The following NEFL variants were observed in gnomAD, a reference collection of about 807,000 sequenced individuals.
NEFL encodes neurofilament light chain.
In NEFL, 36 loss-of-function variants were observed where a neutral mutation model predicts 51.6. The observed-to-expected ratio is 0.70, with a 90% CI of 0.53 to 0.92. The LOEUF is 0.92. NEFL is among the 40% of genes least tolerant of loss of function. NEFL has a pLI of 0.00. For synonymous variants in NEFL, 332 were observed against 302.5 expected, an observed-to-expected ratio of 1.10 and a Z score of -1.01; for missense variants, 671 against 722.0, an observed-to-expected ratio of 0.93 and a Z score of 0.81.
In NEFL at chr8:24,956,430, A is replaced by T; in HGVS notation, c.86T>A (p.Val29Glu). Residue 29 changes from valine (V) to glutamate (E), a missense_variant, in exon 1 of 4, where the codon GTG becomes GAG. Coordinates refer to ENST00000610854, the MANE Select transcript of NEFL (RefSeq NM_006158.5). The surrounding 1 kb of genome is among the most constrained non-coding windows in gnomAD (Gnocchi z 5.9). ...VETPRVHISSVRSGYSTARSA... is the reference protein window; with the variant it reads ...VETPRVHISSERSGYSTARSA... ...GCGTGCGGTGCTGTAGCCGCTGCGC[A>T]CGCTGGAGATGTGCACCCGGGGCGT... The T allele has an allele frequency of 6.2e-7, 1 of 1,603,444 alleles. No individual in the cohort carries two copies. Among genetic ancestry groups the T allele is most frequent in the Middle Eastern group, 1.7e-4 (1 of 6,026 alleles).
chr8:24,953,070 T>C (rs1802991741), intron 3 of NEFL, 118 bp from the exon 4 acceptor site: 1 of 1,213,530 alleles, frequency 8.2e-7, no homozygotes, highest in South Asian at 1.6e-5. Context: ...ACCTCCCAGC[T>C]CCACTCTCTC....
At position 24,956,593 on chromosome 8, in the gene NEFL, G is replaced by C. The variant is rs1803061584; in HGVS notation, c.-78C>G. ...GAGGACAGGGGAGAGAGGGAAGGGG[G>C]AGGATGGATGGCTGTGTGCGGCTCG... On this transcript the variant is annotated 5_prime_UTR_variant, in exon 1 of 4. Transcript: ENST00000610854. This position sits in a 1 kb window ranked among gnomAD's most constrained non-coding sequence, Gnocchi z 5.9. 2.2e-6 allele frequency: 3 copies of C among 1,361,408 alleles called. No homozygotes were observed. 84.3% of individuals were successfully genotyped at this position (1,361,408 alleles called of 1,614,324 possible). A position where few individuals can be genotyped will look rare whatever the true frequency, so the allele number is the denominator to read the frequency against.
rs1292563245 is a variant in NEFL, at chr8:24,952,920, C to T, written c.1522G>A (p.Glu508Lys). 2 of 1,611,564 alleles carry T rather than the reference C, an allele frequency of 1.2e-6. No individual in the cohort carries two copies. Among genetic ancestry groups the T allele is most frequent in the Admixed American group, 1.7e-5 (1 of 59,956 alleles). Residue 508 changes from glutamate to lysine, a missense_variant, in exon 4 of 4, where the codon GAA becomes AAA. Coordinates refer to ENST00000610854, the MANE Select transcript of NEFL (RefSeq NM_006158.5). ...AKEESEEAKE[E>K]EEGGEGEEGE... ...TCTTCACCTTCACCTCCTTCTTCTTCTTCTTTTGCTTCTTCAGACTCTTCC... is the reference window on the plus strand; with the variant it reads ...TCTTCACCTTCACCTCCTTCTTCTTTTTCTTTTGCTTCTTCAGACTCTTCC...
In NEFL at chr8:24,956,208, C is replaced by A; in HGVS notation, c.308G>T (p.Ser103Ile). 1 of 1,611,018 alleles carries A rather than the reference C, an allele frequency of 6.2e-7. No homozygotes were observed. The highest frequency in any genetic ancestry group is 8.5e-7 in the Non-Finnish European group (1 of 1,178,780). ...QLQDLNDRFA[S>I]FIERVHELEQ... ...CAGCTCGTGCACGCGCTCGATGAAG[C>A]TGGCGAAGCGGTCATTGAGGTCCTG... The change falls in exon 1 of 4, where the codon AGC becomes ATC. Residue 103 changes from serine (S) to isoleucine (I), a missense_variant. Ser to Ile is a moderately radical substitution (Grantham distance 142). Transcript: ENST00000610854. The surrounding 1 kb of genome is among the most constrained non-coding windows in gnomAD (Gnocchi z 5.9).
rs1216877975 is a variant in NEFL at position 24,956,516 on chromosome 8, G to A, written c.-1C>T. 6.3e-7 allele frequency: 1 copy of A among 1,584,052 alleles called. No homozygotes were observed. Among genetic ancestry groups the A allele is most frequent in the Admixed American group, 1.8e-5 (1 of 54,886 alleles). The stretch of plus-strand genomic sequence containing the variant: ...ACGGCTCGTAGCTGAAGGAACTCAT[G>A]GTGGCGGCCGGTGGCTCCCCGGCCC... On this transcript the variant is annotated 5_prime_UTR_variant, in exon 1 of 4. Transcript: ENST00000610854. This position sits in a 1 kb window ranked among gnomAD's most constrained non-coding sequence, Gnocchi z 5.9.
Position 24,955,807 on chromosome 8 carries a change from G to C in NEFL, c.709C>G (p.Gln237Glu), listed in dbSNP as rs764134343. 1.9e-6 allele frequency: 3 copies of C among 1,612,316 alleles called. No homozygotes were observed. The highest frequency in any genetic ancestry group is 2.2e-5 in the South Asian group (2 of 91,080). Residue 237 changes from glutamine (Q) to glutamate (E), a missense_variant, in exon 1 of 4, where the codon CAG becomes GAG. Physicochemically the swap from Gln to Glu is conservative, Grantham distance 29. Coordinates refer to ENST00000610854, the MANE Select transcript of NEFL (RefSeq NM_006158.5). This position sits in a 1 kb window ranked among gnomAD's most constrained non-coding sequence, Gnocchi z 4.0. ...ACGGAGATCTGCGCGTACTGGATCT[G>C]CGCCTGCAGTTCGGCGATCTCCTCT... ...HEEEIAELQA[Q>E]IQYAQISVEM...
chr8:24,955,455 T>A lies in NEFL; in HGVS notation c.1044+17A>T. 11 of 960,804 alleles carry A rather than the reference T, an allele frequency of 1.1e-5. No homozygotes were observed. Among genetic ancestry groups the A allele is most frequent in the Middle Eastern group, 2.5e-4 (1 of 4,040 alleles). 59.5% of individuals were successfully genotyped at this position (960,804 alleles called of 1,614,324 possible). On this transcript the variant is annotated intron_variant, in intron 1 of 3. Coordinates refer to ENST00000610854, the MANE Select transcript of NEFL (RefSeq NM_006158.5). The surrounding 1 kb of genome is among the most constrained non-coding windows in gnomAD (Gnocchi z 4.0). ...GCTCGAGTCCCCCGCCCCCCTGTGT[T>A]TCTGGCCGTGCCGCACCTGCATAGC...
In NEFL at chr8:24,954,205, A is replaced by G. The variant is rs775218507; in HGVS notation, c.1145T>C (p.Leu382Ser). Residue 382 changes from leucine (L) to serine (S), a missense_variant, in exon 2 of 4, where the codon TTG becomes TCG. Leu to Ser is a moderately radical substitution (Grantham distance 145). Coordinates refer to ENST00000610854, the MANE Select transcript of NEFL (RefSeq NM_006158.5). Reference protein sequence around the residue: ...YQDLLNVKMALDIEIAAYRKL... With the variant: ...YQDLLNVKMASDIEIAAYRKL... ...CCTGTAAGCTGCAATCTCAATATCC[A>G]AAGCCATCTTCACGTTGAGGAGGTC... 2 of 1,613,892 alleles carry G rather than the reference A, an allele frequency of 1.2e-6. No homozygotes were observed. Among genetic ancestry groups the G allele is most frequent in the Non-Finnish European group, 1.7e-6 (2 of 1,179,874 alleles).
chr8:24,954,085 C>A, intron 2 of NEFL, 96 bp downstream of exon 2: 7 of 1,526,542 alleles, frequency 4.6e-6, no homozygotes, highest in Non-Finnish European at 6.3e-6. Flanking sequence ...TTCAAAAGGA[C>A]TATTATTGAA....
In NEFL at chr8:24,955,289, A is replaced by G. The variant is rs534781464; in HGVS notation, c.1044+183T>C. The G allele has an allele frequency of 1.6e-5, 10 of 614,600 alleles. No individual in the cohort carries two copies. The highest frequency in any genetic ancestry group is 2.8e-5 in the Non-Finnish European group (10 of 357,234). 38.1% of individuals were successfully genotyped at this position (614,600 alleles called of 1,614,324 possible). On this transcript the variant is annotated intron_variant, in intron 1 of 3. Transcript: ENST00000610854. The surrounding 1 kb of genome is among the most constrained non-coding windows in gnomAD (Gnocchi z 4.0). Reference sequence around the variant, plus strand: ...GCAGCACGGAGCACACTCCCAGACTACAGTGGCGCCCGCACTCACGCCCTT... The same window carrying G: ...GCAGCACGGAGCACACTCCCAGACTGCAGTGGCGCCCGCACTCACGCCCTT...
At position 24,955,352 on chromosome 8, in the gene NEFL, C is replaced by G; in HGVS notation, c.1044+120G>C. 4.7e-6 allele frequency: 5 copies of G among 1,057,822 alleles called. No homozygotes were observed. Among genetic ancestry groups the G allele is most frequent in the Non-Finnish European group, 5.3e-6 (4 of 751,484 alleles). 65.5% of individuals were successfully genotyped at this position (1,057,822 alleles called of 1,614,324 possible). A position where few individuals can be genotyped will look rare whatever the true frequency, so the allele number is the denominator to read the frequency against. ...CCCTCCCACACAGTGGCCAAGGAGC[C>G]AAGCCCTATCCCTAAGAGCTGCGTG... On this transcript the variant is annotated intron_variant, in intron 1 of 3. Coordinates refer to ENST00000610854, the MANE Select transcript of NEFL (RefSeq NM_006158.5). This position sits in a 1 kb window ranked among gnomAD's most constrained non-coding sequence, Gnocchi z 4.0.
In NEFL at chr8:24,951,642, G is replaced by A. The variant is rs1563250684; in HGVS notation, c.*1168C>T. On this transcript the variant is annotated 3_prime_UTR_variant, in exon 4 of 4. Transcript: ENST00000610854. ...AGTGACTCATAATTTCATTACTTGT[G>A]TCTGTAGCTTTTAAAGGTTTAAAAA... 1 of 152,538 alleles carries A rather than the reference G, an allele frequency of 6.6e-6. No homozygotes were observed. Among genetic ancestry groups the A allele is most frequent in the African/African-American group, 2.4e-5 (1 of 41,418 alleles). The allele number at this position is 152,538 out of a possible 1,614,324, so 9.4% of individuals were successfully genotyped here. A position where few individuals can be genotyped will look rare whatever the true frequency, so the allele number is the denominator to read the frequency against.
rs1315320868 is a variant in NEFL, at chr8:24,953,800, G to T, written c.1170-5C>A. 1 of 1,605,184 alleles carries T rather than the reference G, an allele frequency of 6.2e-7. No homozygotes were observed. Among genetic ancestry groups the T allele is most frequent in the Non-Finnish European group, 8.5e-7 (1 of 1,174,546 alleles). ...TCCTCGCCTTCCAAGAGTTTCCTGGGGATGCAGATGCAAGGTGAGGTTAAA... is the reference window on the plus strand; with the variant it reads ...TCCTCGCCTTCCAAGAGTTTCCTGGTGATGCAGATGCAAGGTGAGGTTAAA... On this transcript the variant is annotated splice_region_variant and splice_polypyrimidine_tract_variant and intron_variant, in intron 2 of 3. Transcript: ENST00000610854.
rs1026557795 is a variant in NEFL, at chr8:24,951,078, T to C, written c.*1732A>G. The C allele has an allele frequency of 2.6e-5, 4 of 152,674 alleles. No homozygotes were observed. The highest frequency in any genetic ancestry group is 2.1e-4 in the South Asian group (1 of 4,830). 9.5% of individuals were successfully genotyped at this position (152,674 alleles called of 1,614,324 possible). A position where few individuals can be genotyped will look rare whatever the true frequency, so the allele number is the denominator to read the frequency against. ...TTTGGCTAAAGTTACTTTTTGCACA[T>C]AGCTTGCATCTGTTTGAGACTTACC... On this transcript the variant is annotated 3_prime_UTR_variant, in exon 4 of 4. Coordinates refer to ENST00000610854, the MANE Select transcript of NEFL (RefSeq NM_006158.5).
In NEFL at chr8:24,955,879, T is replaced by C. The variant is rs538481538; in HGVS notation, c.637A>G (p.Ile213Val). The change falls in exon 1 of 4, where the codon ATC (isoleucine) becomes GTC (valine). Residue 213 changes from isoleucine (I) to valine (V), a missense_variant. Ile to Val is a conservative substitution (Grantham distance 29, BLOSUM62 3). Transcript: ENST00000610854. This position sits in a 1 kb window ranked among gnomAD's most constrained non-coding sequence, Gnocchi z 4.0. The stretch of plus-strand genomic sequence containing the variant: ...GAGATTTCGTCCATCAAGCTGTCGA[T>C]GCGCTTCTCGAGCTCGGCGCGAGCG... ...ALARAELEKR[I>V]DSLMDEISFL... 5.0e-6 allele frequency: 8 copies of C among 1,607,580 alleles called. No individual in the cohort carries two copies. Among genetic ancestry groups the C allele is most frequent in the Non-Finnish European group, 5.9e-6 (7 of 1,179,858 alleles).
At chr8:24,953,394 G>C in intron 3 of NEFL, 82 bp downstream of exon 3, 1 of 1,537,748 alleles carries the variant, frequency 6.5e-7, no homozygotes, top group South Asian at 1.2e-5. Flanking sequence ...AATGAGCAAG[G>C]CTTCATTTGT....
intron 1 of NEFL, among the ~76,000 whole-genome samples, chr8:24,954,706 A>G (rs934518735): frequency 2.0e-5 from 3 of 152,178 alleles, no homozygotes; most frequent in Non-Finnish European, 4.4e-5. Flanking sequence ...ATGTAAACAA[A>G]AAAAAGAAAA....
chr8:24,955,619 G>A lies in NEFL; in HGVS notation c.897C>T (p.Arg299=). Residue 299 remains arginine, a synonymous_variant, in exon 1 of 4, where the codon CGC becomes CGT. Transcript: ENST00000610854. This position sits in a 1 kb window ranked among gnomAD's most constrained non-coding sequence, Gnocchi z 4.0. ...ESAAKNTDAV[R]AAKDEVSESR... ...TCTCGGACACCTCGTCCTTGGCGGC[G>A]CGCACGGCGTCGGTGTTCTTGGCGG... 1 of 1,613,808 alleles carries A rather than the reference G, an allele frequency of 6.2e-7. No individual in the cohort carries two copies. The highest frequency in any genetic ancestry group is 8.5e-7 in the Non-Finnish European group (1 of 1,179,878).
Position 24,955,989 on chromosome 8 carries a change from G to T in NEFL, c.527C>A (p.Ala176Glu). The change falls in exon 1 of 4, where the codon GCG becomes GAG. Residue 176 changes from alanine (A) to glutamate (E), a missense_variant. Physicochemically the swap from Ala to Glu is moderately radical, Grantham distance 107. Transcript: ENST00000610854. This position sits in a 1 kb window ranked among gnomAD's most constrained non-coding sequence, Gnocchi z 4.0. ...GCTCAGCACCTCCTCTTCATAGCGC[G>T]CCTGCAGGTTGCGCAGGGTCTCCTC... ...GLEETLRNLQARYEEEVLSRE... is the reference protein window; with the variant it reads ...GLEETLRNLQERYEEEVLSRE... 6.2e-7 allele frequency: 1 copy of T among 1,603,624 alleles called. No individual in the cohort carries two copies. Among genetic ancestry groups the T allele is most frequent in the Non-Finnish European group, 8.5e-7 (1 of 1,179,050 alleles).
Sources: gnomAD v4.1 joint callset for allele counts (sites outside exome capture counted in the v4.1 genomes callset) on GRCh38, gnomAD v4.1.1 for gene constraint, Gnocchi (gnomAD v3.1) non-coding constraint, MANE v1.5 for transcripts, NCBI Gene and HGNC (gene_info 2026-07-23, HGNC 2026-07-21) for gene names.